The following CSMD1 variants were observed in gnomAD, a reference collection of about 807,000 sequenced individuals.
CSMD1 encodes the protein CUB and sushi domain-containing protein 1.
Under a neutral mutation model 417.5 loss-of-function variants are expected in CSMD1, and 213 were observed. The observed-to-expected ratio is 0.51, with a 90% CI of 0.46 to 0.57. The LOEUF is 0.57. Ranked by LOEUF, CSMD1 falls within the 20% of genes least tolerant of loss-of-function variation. CSMD1 has a pLI of 0.00. For missense variants in CSMD1, 6,923 were observed against 4,529.7 expected, an observed-to-expected ratio of 1.53 and a Z score of -15.17; for synonymous variants, 2,862 against 1,736.8, an observed-to-expected ratio of 1.65 and a Z score of -16.11.
chr8:4,249,884 C>A (rs1441911764), intron 3 of CSMD1, among the ~76,000 whole-genome samples: 1 of 152,122 alleles, frequency 6.6e-6, no homozygotes, highest in East Asian at 1.9e-4. Context: ...AACTAAATCC[C>A]CAATGAGGCA....
chr8:4,413,442 C>T (rs1375224761), intron 3 of CSMD1, among the ~76,000 whole-genome samples: 2 of 152,194 alleles, frequency 1.3e-5, no homozygotes, highest in Admixed American at 1.3e-4. Flanking sequence ...TTCAGCGTCT[C>T]TCTTCTAATG....
chr8:3,561,528 G>C (rs1202457601), intron 10 of CSMD1, among the ~76,000 whole-genome samples: 1 of 152,168 alleles, frequency 6.6e-6, no homozygotes, highest in Non-Finnish European at 1.5e-5. Context: ...GAAATGGAAA[G>C]TCAAATACCA....
chr8:4,741,844 T>G (rs1411766014), intron 1 of CSMD1, among the ~76,000 whole-genome samples: 1 of 151,866 alleles, frequency 6.6e-6, no homozygotes, highest in East Asian at 1.9e-4. Flanking sequence ...GGTGTTATCC[T>G]TGTTTTTGAG....
intron 1 of CSMD1, among the ~76,000 whole-genome samples, chr8:4,937,784 GCACACA>G (rs112025933): frequency 4.0e-5 from 6 of 149,616 alleles, no homozygotes; most frequent in South Asian, 2.1e-4. Context: ...AGTGGCGCGT[GCACACA>G]CACACACACA....
chr8:3,362,287 C>T (rs1372232409), intron 20 of CSMD1, among the ~76,000 whole-genome samples: 1 of 152,174 alleles, frequency 6.6e-6, no homozygotes, highest in Non-Finnish European at 1.5e-5. Flanking sequence ...CCCATCCTCC[C>T]TTCCAAGACT....
At chr8:3,685,279 G>A (rs982784532) in intron 7 of CSMD1, among the ~76,000 whole-genome samples, 4 of 152,122 alleles carry the variant, frequency 2.6e-5, no homozygotes, top group South Asian at 2.1e-4. Context: ...TACCCATTAC[G>A]TTGAGTTTAA....
chr8:4,938,423 T>C (rs1184402198), intron 1 of CSMD1, among the ~76,000 whole-genome samples: 1 of 152,170 alleles, frequency 6.6e-6, no homozygotes. Context: ...CATCAACAAG[T>C]GGCATATGCA....
intron 1 of CSMD1, among the ~76,000 whole-genome samples, chr8:4,975,497 C>G (rs1332812508): frequency 2.0e-5 from 3 of 152,108 alleles, no homozygotes; most frequent in African/African-American, 7.2e-5. Flanking sequence ...TATGTCAGGG[C>G]TGAAAGCAAA....
intron 5 of CSMD1, among the ~76,000 whole-genome samples, chr8:3,831,962 G>C (rs1409438516): frequency 6.6e-6 from 1 of 152,094 alleles, no homozygotes; most frequent in Non-Finnish European, 1.5e-5. Flanking sequence ...GAGTGTATTA[G>C]GTTTTGTACA....
chr8:4,278,317 GTAATC>G (rs1319893915), intron 3 of CSMD1, among the ~76,000 whole-genome samples: 3 of 152,090 alleles, frequency 2.0e-5, no homozygotes, highest in Non-Finnish European at 2.9e-5. Context: ...GGTAGTGCTG[GTAATC>G]TACAAAATGG....
chr8:4,621,203 G>A (rs1360417426), intron 2 of CSMD1, among the ~76,000 whole-genome samples: 1 of 151,976 alleles, frequency 6.6e-6, no homozygotes, highest in Non-Finnish European at 1.5e-5. Context: ...TCCTGGGGAT[G>A]AGACCCAACA....
chr8:3,926,146 A>G (rs966151807), intron 5 of CSMD1, among the ~76,000 whole-genome samples: 1 of 150,616 alleles, frequency 6.6e-6, no homozygotes, highest in East Asian at 1.9e-4. Context: ...TGGTGTGTAT[A>G]GGTGGGGGTT....
At chr8:4,271,078 G>C (rs1333721986) in intron 3 of CSMD1, among the ~76,000 whole-genome samples, 1 of 152,168 alleles carries the variant, frequency 6.6e-6, no homozygotes, top group Non-Finnish European at 1.5e-5. Flanking sequence ...AGTTCAGAAT[G>C]TTGAAGCTTT....
At chr8:3,382,431 T>C (rs891989271) in intron 18 of CSMD1, among the ~76,000 whole-genome samples, 1 of 143,594 alleles carries the variant, frequency 7.0e-6, no homozygotes, top group South Asian at 2.1e-4. Context: ...TAATATATTA[T>C]ATAATAACAT....
intron 3 of CSMD1, among the ~76,000 whole-genome samples, chr8:4,079,478 G>A (rs1045925990): frequency 6.6e-6 from 1 of 152,210 alleles, no homozygotes; most frequent in African/African-American, 2.4e-5. Flanking sequence ...TCATCATAAA[G>A]CATGCAAATT....
At chr8:4,379,271 G>A (rs888542972) in intron 3 of CSMD1, among the ~76,000 whole-genome samples, 3 of 152,108 alleles carry the variant, frequency 2.0e-5, no homozygotes, top group Non-Finnish European at 4.4e-5. Context: ...AAAAATAGGT[G>A]ACCAGAAATC....
At chr8:4,112,069 G>T (rs1336056386) in intron 3 of CSMD1, among the ~76,000 whole-genome samples, 1 of 152,072 alleles carries the variant, frequency 6.6e-6, no homozygotes, top group Non-Finnish European at 1.5e-5. Context: ...TTTGTCTGAG[G>T]CTAGTCTTGA....
At chr8:3,813,815 A>C (rs1185816800) in intron 5 of CSMD1, among the ~76,000 whole-genome samples, 1 of 152,134 alleles carries the variant, frequency 6.6e-6, no homozygotes, top group African/African-American at 2.4e-5. Flanking sequence ...GAAAAACTTA[A>C]AGTATGTCTT....
intron 1 of CSMD1, among the ~76,000 whole-genome samples, chr8:4,918,491 C>T (rs906666101): frequency 6.6e-6 from 1 of 151,962 alleles, no homozygotes; most frequent in East Asian, 1.9e-4. Context: ...ATGTGTATGT[C>T]TGCTCCAATA....
Sources: gnomAD v4.1 joint callset for allele counts (sites outside exome capture counted in the v4.1 genomes callset) on GRCh38, gnomAD v4.1.1 for gene constraint, MANE v1.5 for transcripts, NCBI Gene and HGNC (gene_info 2026-07-23, HGNC 2026-07-21) for gene names.